Variants in DPYD observed in about 807,000 individuals in gnomAD.
DPYD encodes the protein dihydropyrimidine dehydrogenase.
DPYD carries 109 observed loss-of-function variants against 116.2 expected under a neutral mutation model. The observed-to-expected ratio is 0.94, with a 90% CI of 0.80 to 1.10. The LOEUF (loss-of-function observed/expected upper bound fraction) is 1.10. DPYD is among the 50% of genes least tolerant of loss of function. The probability of loss-of-function intolerance (pLI) is 0.00; values close to 1 mark genes in which losing one functional copy is unlikely to be tolerated. For missense variants in DPYD, 1,302 were observed against 1,254.5 expected (o/e 1.04, Z -0.57); for synonymous variants, 440 against 432.0 (o/e 1.02, Z -0.23).
chr1:97,787,873 A>G (rs1416083192), intron 3 of DPYD, among the ~76,000 whole-genome samples: 3 of 152,216 alleles, frequency 2.0e-5, no homozygotes, highest in Non-Finnish European at 2.9e-5. Context: ...ATTGACCTTT[A>G]TTGGTCACCT....
chr1:97,356,186 T>C (rs1382332592), intron 16 of DPYD, among the ~76,000 whole-genome samples: 1 of 152,204 alleles, frequency 6.6e-6, no homozygotes, highest in Non-Finnish European at 1.5e-5. Context: ...ATCACCGATG[T>C]TGAGCATTTT....
At chr1:97,526,470 T>C (rs968546558) in intron 12 of DPYD, among the ~76,000 whole-genome samples, 1 of 152,188 alleles carries the variant, frequency 6.6e-6, no homozygotes, top group Non-Finnish European at 1.5e-5. Flanking sequence ...CTACTAATTA[T>C]ATCAGAATCC....
chr1:97,380,915 C>A (rs1451310131), intron 15 of DPYD, among the ~76,000 whole-genome samples: 8 of 152,164 alleles, frequency 5.3e-5, no homozygotes, highest in African/African-American at 1.2e-4. Flanking sequence ...GTGATGAAAT[C>A]ATGCTGCTTA....
intron 19 of DPYD, among the ~76,000 whole-genome samples, chr1:97,207,903 A>G (rs1358963309): frequency 6.6e-6 from 1 of 152,174 alleles, no homozygotes. Flanking sequence ...TCAAGTTCAT[A>G]AAGTTCAACA....
chr1:97,831,595 T>A (rs1204254690), intron 2 of DPYD, among the ~76,000 whole-genome samples: 1 of 151,990 alleles, frequency 6.6e-6, no homozygotes, highest in Non-Finnish European at 1.5e-5. Context: ...TTCATAAAAA[T>A]TCAAAAAAAT....
chr1:97,540,641 T>C lies in DPYD; in HGVS notation c.1524+8919A>G, dbSNP rs775940336. ...AGAACCTAGTCCATTTGAGTTTTTA[T>C]GGAAAGTTCATTACATAGGCATGAT... On this transcript the variant is annotated intron_variant, in intron 12 of 22. Coordinates refer to ENST00000370192, the MANE Select transcript of DPYD (RefSeq NM_000110.4). 2.0e-4 allele frequency among the ~76,000 whole-genome samples: 30 copies of C among 152,306 alleles called. 1 individual carries two copies. The highest frequency in any genetic ancestry group is 6.7e-4 in the African/African-American group (28 of 41,572).
At chr1:97,566,940 C>A (rs1652558773) in intron 11 of DPYD, among the ~76,000 whole-genome samples, 1 of 152,072 alleles carries the variant, frequency 6.6e-6, no homozygotes, top group Non-Finnish European at 1.5e-5. Context: ...CATACTGATT[C>A]CAGGTCTTTT....
chr1:97,319,982 C>T (rs1293833905), intron 16 of DPYD, among the ~76,000 whole-genome samples: 1 of 137,914 alleles, frequency 7.3e-6, no homozygotes, highest in East Asian at 2.2e-4. Flanking sequence ...AGACAAAAAC[C>T]ACATGATTAT....
At position 97,844,747 on chromosome 1, in the gene DPYD, C is replaced by T. The variant is rs527958578; in HGVS notation, c.151-16551G>A. 3.3e-5 allele frequency among the ~76,000 whole-genome samples: 5 copies of T among 152,296 alleles called. No homozygotes were observed. In the East Asian group the frequency reaches 5.8e-4, roughly 18 times the overall value. ...GGTGGGAGCCTTGCCCTCTTGGGTG[C>T]GGCTGCAGCCACCCAGCTGTGGCTC... On this transcript the variant is annotated intron_variant, in intron 2 of 22. Transcript: ENST00000370192.
chr1:97,350,851 T>C lies in DPYD; in HGVS notation c.2058+22710A>G, dbSNP rs190072534. ...GATACTGTGTGCTTTTAAAAATGAGTGTGTCATGTCAAAGACTTGTAAAAT... is the reference window on the plus strand; with the variant it reads ...GATACTGTGTGCTTTTAAAAATGAGCGTGTCATGTCAAAGACTTGTAAAAT... On this transcript the variant is annotated intron_variant, in intron 16 of 22. Coordinates refer to ENST00000370192, the MANE Select transcript of DPYD (RefSeq NM_000110.4). 3.2e-3 allele frequency among the ~76,000 whole-genome samples: 490 copies of C among 152,180 alleles called. 4 individuals carry two copies. The highest frequency in any genetic ancestry group is 0.011 in the African/African-American group (456 of 41,538).
chr1:97,550,269 T>G (rs1421580366), intron 11 of DPYD, among the ~76,000 whole-genome samples: 1 of 152,072 alleles, frequency 6.6e-6, no homozygotes, highest in Non-Finnish European at 1.5e-5. Flanking sequence ...GCACTTACTA[T>G]TAAGCAATTT....
intron 13 of DPYD, among the ~76,000 whole-genome samples, chr1:97,511,547 A>G (rs1473803870): frequency 2.6e-5 from 4 of 152,000 alleles, no homozygotes; most frequent in Non-Finnish European, 4.4e-5. Flanking sequence ...ATTCATTTAT[A>G]TTAATATTAC....
At position 97,452,123 on chromosome 1, in the gene DPYD, C is replaced by T. The variant is rs138186910; in HGVS notation, c.1741-1900G>A. Among the ~76,000 whole-genome samples, 368 of 152,214 alleles carry T rather than the reference C, an allele frequency of 2.4e-3. 6 individuals are homozygous for T. The highest frequency in any genetic ancestry group is 0.014 in the Middle Eastern group (4 of 294). On this transcript the variant is annotated intron_variant, in intron 13 of 22. Coordinates refer to ENST00000370192, the MANE Select transcript of DPYD (RefSeq NM_000110.4). ...TTCACGTTAGCAGCATCCCTACTCCCGCCCATTCTCCATATCTTCACTTAG... is the reference window on the plus strand; with the variant it reads ...TTCACGTTAGCAGCATCCCTACTCCTGCCCATTCTCCATATCTTCACTTAG...
At chr1:97,429,937 C>T (rs1049983641) in intron 14 of DPYD, among the ~76,000 whole-genome samples, 1 of 151,984 alleles carries the variant, frequency 6.6e-6, no homozygotes, top group African/African-American at 2.4e-5. Flanking sequence ...GTATGATATG[C>T]TTAATAAATG....
chr1:97,546,924 C>T (rs1277158833), intron 12 of DPYD: 1 of 1,607,204 alleles, frequency 6.2e-7, no homozygotes, highest in African/African-American at 1.3e-5. Flanking sequence ...TTGAAGATAG[C>T]TTTGAGGAAG....
At chr1:97,909,387 A>T (rs1673810176) in intron 1 of DPYD, among the ~76,000 whole-genome samples, 1 of 151,524 alleles carries the variant, frequency 6.6e-6, no homozygotes, top group African/African-American at 2.4e-5. Context: ...CCCCACTGCA[A>T]CTCTTCCCTT....
At chr1:97,107,698 G>A (rs1376525903) in intron 20 of DPYD, among the ~76,000 whole-genome samples, 1 of 151,918 alleles carries the variant, frequency 6.6e-6, no homozygotes, top group East Asian at 1.9e-4. Flanking sequence ...CAACACTGAG[G>A]GGCATAAAGA....
At chr1:97,746,770 G>T (rs1177127556) in intron 3 of DPYD, among the ~76,000 whole-genome samples, 1 of 152,042 alleles carries the variant, frequency 6.6e-6, no homozygotes, top group African/African-American at 2.4e-5. Context: ...TATGAAGAAA[G>T]TAGCGTCAGT....
chr1:97,698,350 T>C (rs1330432517), intron 6 of DPYD, among the ~76,000 whole-genome samples: 2 of 151,900 alleles, frequency 1.3e-5, no homozygotes, highest in Non-Finnish European at 2.9e-5. Context: ...AAATAATTGA[T>C]AATTGATAAT....
Sources: gnomAD v4.1 joint callset for allele counts (sites outside exome capture counted in the v4.1 genomes callset) on GRCh38, gnomAD v4.1.1 for gene constraint, MANE v1.5 for transcripts, NCBI Gene and HGNC (gene_info 2026-07-23, HGNC 2026-07-21) for gene names.